Variants in RNF182 observed in about 807,000 individuals in gnomAD.
RNF182 encodes the protein E3 ubiquitin-protein ligase RNF182.
RNF182 carries 15 observed loss-of-function variants against 14.4 expected under a neutral mutation model. The observed-to-expected ratio is 1.04, with a 90% CI of 0.70 to 1.60. The LOEUF (loss-of-function observed/expected upper bound fraction) is 1.60. RNF182 is among the 40% of genes most tolerant of loss of function. The probability of loss-of-function intolerance (pLI) is 0.00; values close to 1 mark genes in which losing one functional copy is unlikely to be tolerated. For synonymous variants in RNF182, 128 were observed against 122.9 expected, an observed-to-expected ratio of 1.04 and a Z score of -0.27; for missense variants, 268 against 294.8, an observed-to-expected ratio of 0.91 and a Z score of 0.67.
At chr6:13,930,931 T>C (rs540397653) in intron 1 of RNF182, among the ~76,000 whole-genome samples, 4 of 152,356 alleles carry the variant, frequency 2.6e-5, no homozygotes, top group African/African-American at 9.6e-5. Context: ...CTATGATTGC[T>C]TTGTTAATTA....
chr6:13,943,836 G>C (rs559764137), intron 1 of RNF182, among the ~76,000 whole-genome samples: 106 of 152,286 alleles, frequency 7.0e-4, no homozygotes, highest in Middle Eastern at 3.4e-3. Context: ...CCTTTTAAAT[G>C]CTGGGATGTA....
At chr6:13,950,026 A>G (rs1427904385) in intron 1 of RNF182, among the ~76,000 whole-genome samples, 1 of 152,236 alleles carries the variant, frequency 6.6e-6, no homozygotes, top group Non-Finnish European at 1.5e-5. Flanking sequence ...CTAACTTAAA[A>G]TAATTATTCA....
rs1192651630 is a variant in RNF182 at position 13,977,421 on chromosome 6, T to G, written c.302T>G (p.Leu101Arg). The change falls in exon 3 of 3, where the codon CTG (leucine) becomes CGG (arginine). Residue 101 changes from leucine to arginine, a missense_variant. Coordinates refer to ENST00000488300, the MANE Select transcript of RNF182 (RefSeq NM_152737.4). ...TGTGGAGGCAAAGGGAAGAAGTGCC[T>G]GCCAGAGAACCCTACTGAGCTGCTG... ...LTCGGKGKKC[L>R]PENPTELLLT... The G allele has an allele frequency of 6.2e-7, 1 of 1,614,040 alleles. No individual in the cohort carries two copies. Among genetic ancestry groups the G allele is most frequent in the African/African-American group, 1.3e-5 (1 of 74,922 alleles).
intron 1 of RNF182, among the ~76,000 whole-genome samples, chr6:13,973,582 G>C (rs1421753116): frequency 2.0e-5 from 3 of 152,174 alleles, no homozygotes; most frequent in Admixed American, 2.0e-4. Flanking sequence ...AAGATCTCAT[G>C]GTTTTATAAG....
chr6:13,943,793 G>A (rs577679539), intron 1 of RNF182, among the ~76,000 whole-genome samples: 28 of 152,214 alleles, frequency 1.8e-4, no homozygotes, highest in Non-Finnish European at 2.4e-4. Context: ...CAGTGTTACC[G>A]GAGCTTAACT....
rs1225229321 is a variant in RNF182 at position 13,977,240 on chromosome 6, C to A, written c.121C>A (p.His41Asn). 1 of 1,614,150 alleles carries A rather than the reference C, an allele frequency of 6.2e-7. No homozygotes were observed. The change falls in exon 3 of 3, where the codon CAT (histidine) becomes AAT (asparagine). Residue 41 changes from histidine to asparagine, a missense_variant. His to Asn is a moderately conservative substitution (Grantham distance 68, BLOSUM62 1). Coordinates refer to ENST00000488300, the MANE Select transcript of RNF182 (RefSeq NM_152737.4). ...QRKPKVLECC[H>N]RVCAKCLYKI... Reference sequence around the variant, plus strand: ...GAAACCCAAAGTGCTGGAGTGTTGTCATAGGGTTTGTGCCAAATGCCTCTA... The same window carrying A: ...GAAACCCAAAGTGCTGGAGTGTTGTAATAGGGTTTGTGCCAAATGCCTCTA...
chr6:13,946,060 A>G (rs1023826230), intron 1 of RNF182, among the ~76,000 whole-genome samples: 2 of 152,032 alleles, frequency 1.3e-5, no homozygotes, highest in African/African-American at 4.8e-5. Flanking sequence ...GATGTGCTTT[A>G]CTACAAGGGT....
At chr6:13,962,431 T>C (rs981602604) in intron 1 of RNF182, among the ~76,000 whole-genome samples, 1 of 152,180 alleles carries the variant, frequency 6.6e-6, no homozygotes, top group African/African-American at 2.4e-5. Context: ...CTAGAATCTC[T>C]CATATGTTTT....
At chr6:13,925,194 T>G (rs1396421275) in intron 1 of RNF182, 171 bp downstream of exon 1, 2 of 146,720 alleles carry the variant, frequency 1.4e-5, no homozygotes, top group African/African-American at 5.1e-5. Context: ...GCGCGCGGAG[T>G]CTCCCTCCGG....
intron 1 of RNF182, among the ~76,000 whole-genome samples, chr6:13,950,657 T>A (rs1759565191): frequency 6.6e-6 from 1 of 151,882 alleles, no homozygotes; most frequent in African/African-American, 2.4e-5. Flanking sequence ...CCACCACACA[T>A]GGCTAATTTT....
At chr6:13,972,535 A>G (rs1397281840) in intron 1 of RNF182, among the ~76,000 whole-genome samples, 1 of 152,062 alleles carries the variant, frequency 6.6e-6, no homozygotes, top group Non-Finnish European at 1.5e-5. Context: ...TAAGAGAAAA[A>G]ATGGTTTTGT....
chr6:13,930,024 G>A (rs1225212915), intron 1 of RNF182, among the ~76,000 whole-genome samples: 3 of 151,966 alleles, frequency 2.0e-5, no homozygotes, highest in East Asian at 3.9e-4. Context: ...TTTATTATTC[G>A]TATTCATATA....
intron 1 of RNF182, among the ~76,000 whole-genome samples, chr6:13,956,471 C>A (rs1051396552): frequency 6.6e-6 from 1 of 152,010 alleles, no homozygotes. Context: ...ATTACAGATG[C>A]ATGCCACCAC....
chr6:13,969,784 A>T (rs963036314), intron 1 of RNF182, among the ~76,000 whole-genome samples: 1 of 152,220 alleles, frequency 6.6e-6, no homozygotes, highest in South Asian at 2.1e-4. Flanking sequence ...GTATAGTCTT[A>T]TCCCCAGATG....
At chr6:13,949,496 C>A in intron 1 of RNF182, 2 of 566,076 alleles carry the variant, frequency 3.5e-6, no homozygotes, top group South Asian at 2.2e-5. Flanking sequence ...GAAAAAATTA[C>A]GGAAAAAGAC....
intron 1 of RNF182, among the ~76,000 whole-genome samples, chr6:13,963,660 T>C (rs540343461): frequency 6.6e-6 from 1 of 152,328 alleles, no homozygotes; most frequent in South Asian, 2.1e-4. Context: ...AGCCTGGGCT[T>C]CTTTGATGGT....
chr6:13,925,495 C>T (rs9382687), intron 1 of RNF182: 27,519 of 152,038 alleles, frequency 0.18, 2,694 homozygotes, highest in Non-Finnish European at 0.21. Flanking sequence ...ATTTTTATGC[C>T]TGTGGCTGAA....
chr6:13,967,378 CTG>C (rs1333057821), intron 1 of RNF182, among the ~76,000 whole-genome samples: 4 of 152,156 alleles, frequency 2.6e-5, no homozygotes, highest in Non-Finnish European at 4.4e-5. Context: ...GCCACTAACT[CTG>C]TAAAACAAAA....
Position 13,979,991 on chromosome 6 carries a change from GTTA to G in RNF182, c.*2134_*2136del, listed in dbSNP as rs1223871419. The G allele has an allele frequency of 1.2e-5, 2 of 165,444 alleles. No individual in the cohort carries two copies. Among genetic ancestry groups the G allele is most frequent in the African/African-American group, 2.4e-5 (1 of 41,378 alleles). The allele number at this position is 165,444 out of a possible 1,614,324, so 10.2% of individuals were successfully genotyped here. A position where few individuals can be genotyped will look rare whatever the true frequency, so the allele number is the denominator to read the frequency against. On this transcript the variant is annotated 3_prime_UTR_variant, in exon 3 of 3. Coordinates refer to ENST00000488300, the MANE Select transcript of RNF182 (RefSeq NM_152737.4). ...TACTATTTTGTTTGTCTATTAAATT[GTTA>G]TTATTTCCAAATTTAGAAGTTTGAT...
Sources: allele counts gnomAD v4.1 joint callset (sites outside exome capture counted in the v4.1 genomes callset), GRCh38; gene constraint gnomAD v4.1.1; transcripts MANE v1.5; gene names NCBI Gene and HGNC (gene_info 2026-07-23, HGNC 2026-07-21).